The following CHCHD3 variants were observed in gnomAD, a reference collection of about 807,000 sequenced individuals.
CHCHD3 encodes the protein coiled-coil-helix-coiled-coil-helix domain containing 3.
Under a neutral mutation model 38.2 loss-of-function variants are expected in CHCHD3, and 20 were observed. The observed-to-expected ratio is 0.52, with a 90% CI of 0.37 to 0.76. CHCHD3 has a LOEUF of 0.76. Among genes scored for constraint, CHCHD3 ranks in the 30% least tolerant of loss-of-function variants. CHCHD3 has a pLI of 0.00. For missense variants in CHCHD3, 245 were observed against 279.2 expected (o/e 0.88, Z 0.87); for synonymous variants, 82 against 100.0 (o/e 0.82, Z 1.07).
intron 4 of CHCHD3, among the ~76,000 whole-genome samples, chr7:132,926,345 C>T (rs190139462): frequency 4.2e-4 from 64 of 152,198 alleles, no homozygotes; most frequent in African/African-American, 1.3e-3. Flanking sequence ...AAAGAGAACA[C>T]CAGTTTCTGA....
intron 4 of CHCHD3, among the ~76,000 whole-genome samples, chr7:132,942,271 C>A (rs986809417): frequency 2.0e-5 from 3 of 152,080 alleles, no homozygotes; most frequent in African/African-American, 7.2e-5. Context: ...TAGTTTATCA[C>A]CCTTGATACA....
chr7:132,893,184 C>T (rs971456865), intron 4 of CHCHD3, among the ~76,000 whole-genome samples: 2 of 152,196 alleles, frequency 1.3e-5, no homozygotes, highest in Admixed American at 6.5e-5. Flanking sequence ...GCGAAGCTAT[C>T]TAAGGCCATG....
intron 5 of CHCHD3, among the ~76,000 whole-genome samples, chr7:132,847,838 A>C (rs941972493): frequency 6.6e-6 from 1 of 152,220 alleles, no homozygotes; most frequent in African/African-American, 2.4e-5. Flanking sequence ...CAAATCAAAG[A>C]GGTCATAAGA....
At chr7:133,069,626 A>T (rs978293847) in intron 2 of CHCHD3, among the ~76,000 whole-genome samples, 6 of 152,186 alleles carry the variant, frequency 3.9e-5, no homozygotes, top group Admixed American at 3.9e-4. Context: ...ATCCAGCAGG[A>T]CCTACAGATA....
chr7:133,047,292 G>A (rs950662724), intron 2 of CHCHD3, among the ~76,000 whole-genome samples: 1 of 152,040 alleles, frequency 6.6e-6, no homozygotes, highest in African/African-American at 2.4e-5. Flanking sequence ...AAAGAGTACT[G>A]CCCTCAGAAA....
intron 4 of CHCHD3, among the ~76,000 whole-genome samples, chr7:132,928,720 TAG>T (rs1562911153): frequency 6.6e-6 from 1 of 151,796 alleles, no homozygotes; most frequent in Non-Finnish European, 1.5e-5. Flanking sequence ...ATAAAATAAA[TAG>T]ACTCAGCATT....
At position 132,893,458 on chromosome 7, in the gene CHCHD3, G is replaced by C. The variant is rs1809419571; in HGVS notation, c.370-7713C>G. On this transcript the variant is annotated intron_variant, in intron 4 of 7. Transcript: ENST00000262570. ...AAGGGACTTTCCTTGTCTCAAATGAGACTTTGGACTTGGACTTTTGGGTTA... is the reference window on the plus strand; with the variant it reads ...AAGGGACTTTCCTTGTCTCAAATGACACTTTGGACTTGGACTTTTGGGTTA... Among the ~76,000 whole-genome samples the C allele has an allele frequency of 2.0e-5, 3 of 152,174 alleles. No homozygotes were observed. The South Asian group carries it at 6.2e-4, about 32-fold the overall frequency.
chr7:133,067,838 C>T (rs1314435198), intron 2 of CHCHD3, among the ~76,000 whole-genome samples: 3 of 152,178 alleles, frequency 2.0e-5, no homozygotes, highest in African/African-American at 4.8e-5. Flanking sequence ...CTGGCTTGGC[C>T]GGGCACGGTG....
chr7:133,006,904 T>C (rs1812716603), intron 3 of CHCHD3, among the ~76,000 whole-genome samples: 1 of 152,200 alleles, frequency 6.6e-6, no homozygotes, highest in South Asian at 2.1e-4. Context: ...TGATATATTA[T>C]GAGCAAAAAT....
chr7:132,956,090 G>C (rs1335288715), intron 4 of CHCHD3, among the ~76,000 whole-genome samples: 3 of 152,232 alleles, frequency 2.0e-5, no homozygotes, highest in Admixed American at 1.3e-4. Context: ...ATCCATAAGA[G>C]AGAAAGGCTG....
At chr7:132,925,849 G>C (rs1026270089) in intron 4 of CHCHD3, among the ~76,000 whole-genome samples, 1 of 152,154 alleles carries the variant, frequency 6.6e-6, no homozygotes, top group Non-Finnish European at 1.5e-5. Flanking sequence ...AAAACGAGTT[G>C]GGGATGGGGG....
intron 3 of CHCHD3, among the ~76,000 whole-genome samples, chr7:132,989,655 A>T (rs1812217219): frequency 1.3e-5 from 2 of 152,310 alleles, no homozygotes; most frequent in Admixed American, 1.3e-4. Flanking sequence ...ATATTTGAAA[A>T]GTATTCTGAT....
chr7:132,897,392 T>C (rs1323774455), intron 4 of CHCHD3, among the ~76,000 whole-genome samples: 1 of 152,234 alleles, frequency 6.6e-6, no homozygotes, highest in Admixed American at 6.5e-5. Flanking sequence ...TTAGACTTAA[T>C]GTTCACACTA....
rs561732913 is a variant in CHCHD3 at position 133,056,202 on chromosome 7, C to T, written c.169+13940G>A. Among the ~76,000 whole-genome samples the T allele has an allele frequency of 1.3e-4, 20 of 152,222 alleles. No homozygotes were observed. The South Asian group carries it at 4.1e-3, about 32-fold the overall frequency. Reference sequence around the variant, plus strand: ...TTACTATAGAAGCAAATCCCCACTCCTTAGCTTTGTCAGTCTATTCGTATT... The same window carrying T: ...TTACTATAGAAGCAAATCCCCACTCTTTAGCTTTGTCAGTCTATTCGTATT... On this transcript the variant is annotated intron_variant, in intron 2 of 7. Coordinates refer to ENST00000262570, the MANE Select transcript of CHCHD3 (RefSeq NM_017812.4).
chr7:132,962,688 T>C (rs544501424), intron 4 of CHCHD3, among the ~76,000 whole-genome samples: 63 of 152,308 alleles, frequency 4.1e-4, no homozygotes, highest in Non-Finnish European at 7.9e-4. Context: ...TCCAAAACAA[T>C]GGTTTTTCCT....
At chr7:133,081,471 T>C (rs1384913432) in intron 1 of CHCHD3, among the ~76,000 whole-genome samples, 3 of 151,968 alleles carry the variant, frequency 2.0e-5, no homozygotes, top group Admixed American at 6.6e-5. Flanking sequence ...GGAGACAGGG[T>C]GTGCACAGTG....
intron 4 of CHCHD3, among the ~76,000 whole-genome samples, chr7:132,886,387 T>C (rs1809210179): frequency 6.6e-6 from 1 of 151,906 alleles, no homozygotes; most frequent in Non-Finnish European, 1.5e-5. Flanking sequence ...AAAACAAGTA[T>C]AATATTTTTG....
chr7:132,834,989 G>A (rs1450828654), intron 6 of CHCHD3, among the ~76,000 whole-genome samples: 1 of 139,090 alleles, frequency 7.2e-6, no homozygotes, highest in Non-Finnish European at 1.6e-5. Flanking sequence ...TATTTATTTA[G>A]AGACAGGGTC....
At chr7:132,902,093 T>C (rs1436090455) in intron 4 of CHCHD3, among the ~76,000 whole-genome samples, 1 of 152,188 alleles carries the variant, frequency 6.6e-6, no homozygotes, top group Non-Finnish European at 1.5e-5. Context: ...GGGAATCCTT[T>C]CCCCATTTCT....
Sources: allele counts gnomAD v4.1 joint callset (sites outside exome capture counted in the v4.1 genomes callset), GRCh38; gene constraint gnomAD v4.1.1; transcripts MANE v1.5; gene names NCBI Gene and HGNC (gene_info 2026-07-23, HGNC 2026-07-21).